ADCY7: variants seen among roughly 807,000 people sequenced by gnomAD.
The protein encoded by ADCY7 is adenylate cyclase 7.
In ADCY7, 72 loss-of-function variants were observed where a neutral mutation model predicts 120.6. That is an observed-to-expected ratio of 0.60 (90% CI 0.49 to 0.73). The LOEUF (loss-of-function observed/expected upper bound fraction) is 0.73. ADCY7 is among the 30% of genes least tolerant of loss of function. The pLI is 0.00. For missense variants in ADCY7, 1,227 were observed against 1,486.0 expected (o/e 0.83, Z 2.87); for synonymous variants, 661 against 628.0 (o/e 1.05, Z -0.78).
rs749078045 is a variant in ADCY7, at chr16:50,291,774, A to G, written c.414A>G (p.Thr138=). The change falls in exon 4 of 26, where the codon ACA becomes ACG. Residue 138 remains threonine (T), a synonymous_variant. Transcript: ENST00000673801. ...TGTTCATTGTCTTCGTGGTGTACAC[A>G]CTACTGCCCTTCAGCATGCGGGGCG... ...FFLFIVFVVY[T]LLPFSMRGAV... The G allele has an allele frequency of 4.3e-6, 7 of 1,613,952 alleles. No individual in the cohort carries two copies. Among genetic ancestry groups the G allele is most frequent in the African/African-American group, 2.7e-5 (2 of 74,894 alleles).
At chr16:50,304,799 G>A (rs889236772) in intron 11 of ADCY7, 126 bp from the exon 12 acceptor site, 4 of 1,345,362 alleles carry the variant, frequency 3.0e-6, no homozygotes, top group African/African-American at 2.9e-5. Flanking sequence ...GATGTCTGTG[G>A]CTTGGACGAC....
chr16:50,313,446 C>T (rs567684943), intron 22 of ADCY7: 20 of 181,758 alleles, frequency 1.1e-4, no homozygotes, highest in African/African-American at 3.1e-4. Flanking sequence ...AAAAAAAAAA[C>T]GACGTGGCCC....
At chr16:50,259,141 T>G (rs1047484236) in intron 1 of ADCY7, among the ~76,000 whole-genome samples, 6 of 152,212 alleles carry the variant, frequency 3.9e-5, no homozygotes, top group Admixed American at 6.5e-5. Context: ...CTGTGCCAAA[T>G]TCTATCACCT....
upstream of ADCY7, among the ~76,000 whole-genome samples, chr16:50,244,786 C>A (rs985454415): frequency 6.6e-6 from 1 of 152,232 alleles, no homozygotes; most frequent in Non-Finnish European, 1.5e-5. Flanking sequence ...TGCAGTGACC[C>A]GGCCAGGGCC....
intron 10 of ADCY7, among the ~76,000 whole-genome samples, chr16:50,304,049 G>T (rs761929235): frequency 3.3e-5 from 5 of 152,074 alleles, no homozygotes; most frequent in African/African-American, 4.8e-5. Flanking sequence ...TCCCTGGGGA[G>T]GCAGAGCAGG....
At chr16:50,291,480 C>G (rs754699286) in intron 3 of ADCY7, among the ~76,000 whole-genome samples, 1 of 152,186 alleles carries the variant, frequency 6.6e-6, no homozygotes, top group Non-Finnish European at 1.5e-5. Flanking sequence ...CTGGATCACG[C>G]GGGGCATGGA....
chr16:50,290,038 A>ATCCC (rs1422940342), intron 2 of ADCY7, among the ~76,000 whole-genome samples: 1 of 152,172 alleles, frequency 6.6e-6, no homozygotes, highest in Non-Finnish European at 1.5e-5. Context: ...TTTTCCTGGT[A>ATCCC]TCCCTCACCA....
At chr16:50,289,849 G>A (rs2034825879) in intron 2 of ADCY7, among the ~76,000 whole-genome samples, 1 of 152,254 alleles carries the variant, frequency 6.6e-6, no homozygotes, top group Non-Finnish European at 1.5e-5. Context: ...TGTGAGTGAA[G>A]TGGCCAGGAC....
chr16:50,279,440 A>G (rs1185731580), intron 1 of ADCY7: 1 of 152,222 alleles, frequency 6.6e-6, no homozygotes, highest in Admixed American at 6.5e-5. Flanking sequence ...GCAGTGCTTA[A>G]AGAAATGAAT....
At chr16:50,299,639 CCTT>C (rs994841455) in intron 8 of ADCY7, among the ~76,000 whole-genome samples, 3 of 152,356 alleles carry the variant, frequency 2.0e-5, no homozygotes, top group Non-Finnish European at 2.9e-5. Flanking sequence ...TCCAGCCTGT[CCTT>C]CTCCTGAAGT....
At chr16:50,282,749 C>T (rs2034354067) in intron 1 of ADCY7, among the ~76,000 whole-genome samples, 1 of 149,264 alleles carries the variant, frequency 6.7e-6, no homozygotes, top group Non-Finnish European at 1.5e-5. Flanking sequence ...CTCTATCACC[C>T]AGGCAGGAGT....
chr16:50,302,281 C>T (rs1242684303), intron 10 of ADCY7, among the ~76,000 whole-genome samples: 2 of 152,216 alleles, frequency 1.3e-5, no homozygotes, highest in Non-Finnish European at 2.9e-5. Context: ...AGTGCCATGC[C>T]GGGGGGCTCC....
intron 1 of ADCY7, among the ~76,000 whole-genome samples, chr16:50,253,905 G>A (rs2032834009): frequency 6.6e-6 from 1 of 152,142 alleles, no homozygotes; most frequent in Non-Finnish European, 1.5e-5. Flanking sequence ...GAACTTGTGT[G>A]TGTCTCTGTC....
upstream of ADCY7, among the ~76,000 whole-genome samples, chr16:50,264,833 C>CTTTTTT (rs34527039): frequency 9.1e-6 from 1 of 110,326 alleles, no homozygotes; most frequent in African/African-American, 3.3e-5. Context: ...TGTGGGAGGT[C>CTTTTTT]TTTTTTTTTT....
At chr16:50,255,195 G>A (rs1046021700) in intron 1 of ADCY7, among the ~76,000 whole-genome samples, 4 of 151,358 alleles carry the variant, frequency 2.6e-5, no homozygotes, top group Admixed American at 1.3e-4. Context: ...TACTTGGGAG[G>A]CTGAGGTGGG....
chr16:50,302,462 G>T (rs531452868), intron 10 of ADCY7, among the ~76,000 whole-genome samples: 1 of 152,206 alleles, frequency 6.6e-6, no homozygotes, highest in African/African-American at 2.4e-5. Context: ...TGCCTGGGCC[G>T]ACTTGAATTT....
In ADCY7 at chr16:50,315,347, C is replaced by T. The variant is rs2036752243; in HGVS notation, c.3097-12C>T. The T allele has an allele frequency of 6.2e-7, 1 of 1,601,944 alleles. No homozygotes were observed. The highest frequency in any genetic ancestry group is 8.5e-7 in the Non-Finnish European group (1 of 1,169,858). On this transcript the variant is annotated splice_polypyrimidine_tract_variant and intron_variant, in intron 25 of 25. Transcript: ENST00000673801. ...CCGCCTCTGAAGACAACAGGTCTCT[C>T]TTCCTTTTCAGGTTACCGAGGAGAC...
Position 50,311,805 on chromosome 16 carries a change from C to CCG in ADCY7, c.2448+20_2448+21insGC. On this transcript the variant is annotated intron_variant, in intron 20 of 25. Transcript: ENST00000673801. ...CAGACAGGTAAGGAGGCTGGCCCCCCCCCCCCCCCCAAGCTCTGCCCACTT... is the reference window on the plus strand; with the variant it reads ...CAGACAGGTAAGGAGGCTGGCCCCCCCGCCCCCCCCCCAAGCTCTGCCCACTT... 2 of 1,310,752 alleles carry CCG rather than the reference C, an allele frequency of 1.5e-6. No individual in the cohort carries two copies. Among genetic ancestry groups the CCG allele is most frequent in the Non-Finnish European group, 2.1e-6 (2 of 965,068 alleles). The allele number at this position is 1,310,752 out of a possible 1,614,324, so 81.2% of individuals were successfully genotyped here.
At chr16:50,277,668 GTTTTT>G (rs755335071) in intron 1 of ADCY7, among the ~76,000 whole-genome samples, 2 of 114,982 alleles carry the variant, frequency 1.7e-5, no homozygotes, top group Non-Finnish European at 1.8e-5. Context: ...ACCATGGTAG[GTTTTT>G]TTTTTTTTTT....
Sources: gnomAD v4.1 joint callset for allele counts (sites outside exome capture counted in the v4.1 genomes callset) on GRCh38, gnomAD v4.1.1 for gene constraint, MANE v1.5 for transcripts, NCBI Gene and HGNC (gene_info 2026-07-23, HGNC 2026-07-21) for gene names.